MYO16: variants seen among roughly 807,000 people sequenced by gnomAD.
The protein encoded by MYO16 is myosin XVI.
MYO16 carries 94 observed loss-of-function variants against 205.3 expected under a neutral mutation model. The ratio of observed to expected loss-of-function variants is 0.46; its 90% CI spans 0.39 to 0.54. MYO16 has a LOEUF of 0.54. Among genes scored for constraint, MYO16 ranks in the 20% least tolerant of loss-of-function variants. MYO16 has a pLI of 0.00. For synonymous variants in MYO16, 988 were observed against 954.0 expected, an observed-to-expected ratio of 1.04 and a Z score of -0.66; for missense variants, 2,315 against 2,387.5, an observed-to-expected ratio of 0.97 and a Z score of 0.63.
rs577612479 is a variant in MYO16, at chr13:108,694,126, T to A, written c.293-18535T>A. Among the ~76,000 whole-genome samples, 7 of 152,290 alleles carry A rather than the reference T, an allele frequency of 4.6e-5. No individual in the cohort carries two copies. In the South Asian group the frequency reaches 1.5e-3, roughly 32 times the overall value. On this transcript the variant is annotated intron_variant, in intron 2 of 34. Coordinates refer to ENST00000457511, the MANE Select transcript of MYO16 (RefSeq NM_001198950.3). Reference sequence around the variant, plus strand: ...ATTCTACCATTGATGAGCATTTAGGTTGAATCTATATCTTTGCTATTGTGA... The same window carrying A: ...ATTCTACCATTGATGAGCATTTAGGATGAATCTATATCTTTGCTATTGTGA...
chr13:108,969,265 T>A (rs1454579163), intron 20 of MYO16, among the ~76,000 whole-genome samples: 2 of 152,346 alleles, frequency 1.3e-5, no homozygotes, highest in Non-Finnish European at 2.9e-5. Flanking sequence ...ATCAAATTAT[T>A]TCTAAAGAAA....
At chr13:109,008,712 GTA>G (rs1566458273) in intron 21 of MYO16, among the ~76,000 whole-genome samples, 183 bp from the exon 22 acceptor site, 5 of 147,910 alleles carry the variant, frequency 3.4e-5, no homozygotes, top group Middle Eastern at 3.5e-3. Context: ...TCTATCTTGT[GTA>G]TGCACTACTG....
chr13:108,832,383 C>T, intron 9 of MYO16, among the ~76,000 whole-genome samples: 1 of 151,716 alleles, frequency 6.6e-6, no homozygotes, highest in East Asian at 1.9e-4. Flanking sequence ...CTCAGGTGAT[C>T]CACCCGCCTC....
At chr13:109,096,909 C>A (rs1369232950) in intron 27 of MYO16, among the ~76,000 whole-genome samples, 2 of 152,196 alleles carry the variant, frequency 1.3e-5, no homozygotes, top group African/African-American at 2.4e-5. Flanking sequence ...CAAAGTGGGA[C>A]CTAAATCTCA....
chr13:109,032,571 A>G (rs546501315), intron 23 of MYO16, among the ~76,000 whole-genome samples: 1 of 152,348 alleles, frequency 6.6e-6, no homozygotes, highest in East Asian at 1.9e-4. Context: ...TATTAAAGCA[A>G]TAAAGCAATC....
Position 109,052,407 on chromosome 13 carries a change from C to T in MYO16, c.2980C>T (p.Leu994=). 3 of 1,612,804 alleles carry T rather than the reference C, an allele frequency of 1.9e-6. No homozygotes were observed. The highest frequency in any genetic ancestry group is 1.3e-5 in the African/African-American group (1 of 74,942). ...SFKFRGHKSA[L]LSKKMTASSI... ...TAAATTCCGAGGACATAAGTCTGCC[C>T]TGCTCAGTAAGAAAATGACAGCTTC... Residue 994 remains leucine, a synonymous_variant, in exon 25 of 35, where the codon CTG becomes TTG. Coordinates refer to ENST00000457511, the MANE Select transcript of MYO16 (RefSeq NM_001198950.3).
chr13:109,048,402 G>C (rs755132755), intron 24 of MYO16: 3 of 708,504 alleles, frequency 4.2e-6, no homozygotes, highest in Admixed American at 2.1e-5. Context: ...TATACAGGAG[G>C]TGTCAGATTT....
At chr13:108,880,030 CCTGA>C (rs1879531807) in intron 12 of MYO16, among the ~76,000 whole-genome samples, 1 of 152,152 alleles carries the variant, frequency 6.6e-6, no homozygotes, top group Admixed American at 6.5e-5. Context: ...CCTGTTGTTT[CCTGA>C]CTTTTTAATG....
rs1177062839 is a variant in MYO16 at position 109,028,294 on chromosome 13, CTAAA to C, written c.2796+8386_2796+8389del. 6 of 189,308 alleles carry C rather than the reference CTAAA, an allele frequency of 3.2e-5. 1 individual carries two copies. The South Asian group carries it at 4.4e-4, about 14-fold the overall frequency. The allele number at this position is 189,308 out of a possible 1,614,324, so 11.7% of individuals were successfully genotyped here. A position where few individuals can be genotyped will look rare whatever the true frequency, so the allele number is the denominator to read the frequency against. Reference sequence around the variant, plus strand: ...ATTGTATAATATAACATTAAATTCTCTAAATATAGTATTAAATACAGAAAATTGA... The same window carrying C: ...ATTGTATAATATAACATTAAATTCTCTATAGTATTAAATACAGAAAATTGA... On this transcript the variant is annotated intron_variant, in intron 23 of 34. Transcript: ENST00000457511.
At chr13:108,758,801 A>G (rs908443696) in intron 4 of MYO16, among the ~76,000 whole-genome samples, 1 of 152,234 alleles carries the variant, frequency 6.6e-6, no homozygotes, top group African/African-American at 2.4e-5. Context: ...TTCGAAAAGC[A>G]TGTTATAATA....
At chr13:109,041,023 G>A (rs1292707459) in intron 23 of MYO16, among the ~76,000 whole-genome samples, 1 of 152,106 alleles carries the variant, frequency 6.6e-6, no homozygotes, top group Non-Finnish European at 1.5e-5. Flanking sequence ...AAGGTCACAA[G>A]ACACAAGATA....
rs375704783 is a variant in MYO16, at chr13:109,125,286, G to A, written c.3710G>A (p.Arg1237His). 2.0e-5 allele frequency: 32 copies of A among 1,614,120 alleles called. No individual in the cohort carries two copies. Among genetic ancestry groups the A allele is most frequent in the African/African-American group, 9.3e-5 (7 of 75,020 alleles). ...SDIARENDRLRSEMNAPYHKE... is the reference protein window; with the variant it reads ...SDIARENDRLHSEMNAPYHKE... ...ATTGCCCGGGAAAATGACCGGCTCC[G>A]TAGTGAAATGAACGCTCCCTACCAT... is the stretch of plus-strand genomic sequence containing the variant. The change falls in exon 30 of 35, where the codon CGT becomes CAT. Residue 1237 changes from arginine to histidine, a missense_variant. By Grantham distance (29) the Arg-to-His change is conservative (BLOSUM62 0). Around this residue, in one of 3 missense-constraint regions of MYO16, gnomAD observed 1,097 missense variants for 1,092.0 expected, o/e 1.00. Transcript: ENST00000457511. This position sits in a 1 kb window ranked among gnomAD's most constrained non-coding sequence, Gnocchi z 4.0.
chr13:108,563,820 T>C, the MYO16 span, among the ~76,000 whole-genome samples: 2 of 152,220 alleles, frequency 1.3e-5, no homozygotes, highest in Admixed American at 6.5e-5. Flanking sequence ...CAGATATCTT[T>C]TCAATATACT....
At chr13:108,802,146 G>A (rs1886986722) in intron 6 of MYO16, among the ~76,000 whole-genome samples, 1 of 151,908 alleles carries the variant, frequency 6.6e-6, no homozygotes, top group Admixed American at 6.6e-5. Context: ...TACATTTTTT[G>A]TTGACAATAG....
At chr13:108,846,657 A>C (rs527663531) in intron 10 of MYO16, among the ~76,000 whole-genome samples, 13 of 152,010 alleles carry the variant, frequency 8.6e-5, no homozygotes, top group Non-Finnish European at 1.8e-4. Context: ...AAACTTATGG[A>C]GTTATTTTCC....
rs575235230 is a variant in MYO16 at position 108,949,907 on chromosome 13, G to A, written c.1926-7781G>A. Among the ~76,000 whole-genome samples, 3 of 151,440 alleles carry A rather than the reference G, an allele frequency of 2.0e-5. No homozygotes were observed. The South Asian group carries it at 6.3e-4, about 32-fold the overall frequency. On this transcript the variant is annotated intron_variant, in intron 16 of 34. Transcript: ENST00000457511. ...ACACACCAAAAGGTGATTTTTTGAT[G>A]AACATACAAAACAATCGAGTGGAGG...
intron 9 of MYO16, among the ~76,000 whole-genome samples, chr13:108,838,372 A>T (rs1877039518): frequency 6.6e-6 from 1 of 152,068 alleles, no homozygotes; most frequent in African/African-American, 2.4e-5. Context: ...AAATAGGGAA[A>T]GGCCATGAAC....
intron 6 of MYO16, among the ~76,000 whole-genome samples, chr13:108,798,702 T>TTA (rs1566336272): frequency 8.0e-6 from 1 of 125,374 alleles, no homozygotes; most frequent in Non-Finnish European, 1.7e-5. Flanking sequence ...TTTTTTTTTT[T>TTA]TTTTTTTTTT....
chr13:108,915,660 T>C (rs1235667420), intron 16 of MYO16, among the ~76,000 whole-genome samples: 1 of 152,204 alleles, frequency 6.6e-6, no homozygotes, highest in Non-Finnish European at 1.5e-5. Flanking sequence ...ATACTTTAAA[T>C]AGCTTAGATG....
Sources: gnomAD v4.1 joint callset for allele counts (sites outside exome capture counted in the v4.1 genomes callset) on GRCh38, gnomAD v4.1.1 for gene constraint, gnomAD v4.1.1 regional missense constraint, Gnocchi (gnomAD v3.1) non-coding constraint, MANE v1.5 for transcripts, NCBI Gene and HGNC (gene_info 2026-07-23, HGNC 2026-07-21) for gene names.